SUGCT: variants seen among roughly 807,000 people sequenced by gnomAD.
The protein encoded by SUGCT is succinyl-CoA:glutarate CoA-transferase.
SUGCT carries 41 observed loss-of-function variants against 55.0 expected under a neutral mutation model. The ratio of observed to expected loss-of-function variants is 0.74; its 90% CI spans 0.58 to 0.97. SUGCT has a LOEUF of 0.97. Among genes scored for constraint, SUGCT ranks in the 50% least tolerant of loss-of-function variants. The pLI is 0.00. For synonymous variants in SUGCT, 187 were observed against 200.4 expected, an observed-to-expected ratio of 0.93 and a Z score of 0.56; for missense variants, 568 against 547.8, an observed-to-expected ratio of 1.04 and a Z score of -0.37.
rs745824495 is a variant in SUGCT at position 40,474,372 on chromosome 7, C to T, written c.986+15174C>T. ...TTTGCCATTTTGGGTAGCTGGGGCTCAGTCATGTTGGGAACAGTCTAAAAA... is the reference window on the plus strand; with the variant it reads ...TTTGCCATTTTGGGTAGCTGGGGCTTAGTCATGTTGGGAACAGTCTAAAAA... On this transcript the variant is annotated intron_variant, in intron 11 of 13. Transcript: ENST00000335693. Among the ~76,000 whole-genome samples the T allele has an allele frequency of 2.6e-4, 39 of 151,986 alleles. 1 individual carries two copies. The highest frequency in any genetic ancestry group is 5.6e-4 in the Non-Finnish European group (38 of 67,994).
chr7:41,000,577 T>C, the SUGCT span, among the ~76,000 whole-genome samples: 12 of 152,184 alleles, frequency 7.9e-5, no homozygotes, highest in African/African-American at 2.9e-4. Flanking sequence ...AAAGATGCTA[T>C]ATTGTGTTTT....
At chr7:40,245,423 A>ATAT (rs1344678220) in intron 7 of SUGCT, among the ~76,000 whole-genome samples, 10 of 54,582 alleles carry the variant, frequency 1.8e-4, no homozygotes, top group African/African-American at 2.7e-4. Flanking sequence ...ATATATATAT[A>ATAT]TTTTTTTTTT....
At chr7:40,749,587 C>T in intron 13 of SUGCT, 90 bp downstream of exon 13, 2 of 1,028,908 alleles carry the variant, frequency 1.9e-6, no homozygotes, top group Admixed American at 3.7e-5. Flanking sequence ...AGCTCCCAAA[C>T]AACTTTCCAA....
At chr7:40,141,602 C>G (rs1239473595) in intron 1 of SUGCT, among the ~76,000 whole-genome samples, 2 of 145,364 alleles carry the variant, frequency 1.4e-5, no homozygotes, top group East Asian at 4.1e-4. Flanking sequence ...CCATTGCACT[C>G]TAGCCTGGGC....
At chr7:40,412,801 T>C (rs1178525329) in intron 9 of SUGCT, among the ~76,000 whole-genome samples, 2 of 152,178 alleles carry the variant, frequency 1.3e-5, no homozygotes, top group Admixed American at 6.5e-5. Context: ...TTTTTGTTTG[T>C]TTTTTCTTAG....
intron 9 of SUGCT, among the ~76,000 whole-genome samples, chr7:40,376,522 G>C (rs1784553966): frequency 2.6e-5 from 4 of 151,902 alleles, no homozygotes; most frequent in Admixed American, 2.6e-4. Flanking sequence ...CTCCTGAGTA[G>C]CTGGGACTAC....
At chr7:40,201,363 T>C (rs542040823) in intron 6 of SUGCT, among the ~76,000 whole-genome samples, 194 of 152,320 alleles carry the variant, frequency 1.3e-3, no homozygotes, top group African/African-American at 4.5e-3. Flanking sequence ...GTATCATTTT[T>C]AGACTGAATA....
chr7:40,680,308 A>C lies in SUGCT; in HGVS notation c.1090-69126A>C, dbSNP rs139315558. Among the ~76,000 whole-genome samples the C allele has an allele frequency of 2.0e-3, 310 of 152,312 alleles. 1 individual carries two copies. The highest frequency in any genetic ancestry group is 7.2e-3 in the African/African-American group (300 of 41,572). ...TCAATAAGTGCTAACTTTTTAAAAG[A>C]GGCAAAAATTCAGCAAATAGAAACA... is the stretch of plus-strand genomic sequence containing the variant. On this transcript the variant is annotated intron_variant, in intron 12 of 13. Coordinates refer to ENST00000335693, the MANE Select transcript of SUGCT (RefSeq NM_001193313.2).
the SUGCT span, among the ~76,000 whole-genome samples, chr7:40,934,000 TGGA>T: frequency 2.0e-5 from 3 of 152,212 alleles, no homozygotes; most frequent in African/African-American, 7.2e-5. Context: ...TGCGATCCTT[TGGA>T]GGAGAAGAGG....
chr7:40,991,459 G>A, the SUGCT span, among the ~76,000 whole-genome samples: 2 of 152,160 alleles, frequency 1.3e-5, no homozygotes, highest in East Asian at 1.9e-4. Context: ...CGAAGTGAGT[G>A]CAGGCTGTTG....
intron 9 of SUGCT, among the ~76,000 whole-genome samples, chr7:40,444,952 G>T (rs568454378): frequency 6.6e-6 from 1 of 152,014 alleles, no homozygotes; most frequent in Non-Finnish European, 1.5e-5. Flanking sequence ...GAATTTTGTC[G>T]AAAGCCTTTT....
intron 6 of SUGCT, among the ~76,000 whole-genome samples, chr7:40,209,963 A>G (rs975657867): frequency 6.6e-6 from 1 of 152,216 alleles, no homozygotes; most frequent in African/African-American, 2.4e-5. Flanking sequence ...AGGAAAGCCA[A>G]ATAGTAGTGT....
At chr7:41,012,763 CT>C in the SUGCT span, among the ~76,000 whole-genome samples, 1 of 146,174 alleles carries the variant, frequency 6.8e-6, no homozygotes. Flanking sequence ...TCCAGAGAAA[CT>C]AAAAAAAAAA....
At chr7:40,238,095 C>G (rs972117473) in intron 7 of SUGCT, among the ~76,000 whole-genome samples, 1 of 152,120 alleles carries the variant, frequency 6.6e-6, no homozygotes, top group South Asian at 2.1e-4. Flanking sequence ...TGAAATAAAA[C>G]AGTTGACTAG....
the SUGCT span, among the ~76,000 whole-genome samples, chr7:41,011,549 A>G: frequency 6.6e-6 from 1 of 152,230 alleles, no homozygotes; most frequent in Non-Finnish European, 1.5e-5. Context: ...CATACCCCAG[A>G]CTTACTAAAT....
At chr7:40,707,233 T>C (rs969968024) in intron 12 of SUGCT, among the ~76,000 whole-genome samples, 1 of 128,484 alleles carries the variant, frequency 7.8e-6, no homozygotes, top group Non-Finnish European at 1.7e-5. Flanking sequence ...CAAAATCTAC[T>C]TTTTTTTTTT....
chr7:41,010,503 G>T, the SUGCT span, among the ~76,000 whole-genome samples: 1 of 152,244 alleles, frequency 6.6e-6, no homozygotes, highest in Non-Finnish European at 1.5e-5. Flanking sequence ...TTCAGGCAGA[G>T]GCCTTGAAGC....
At chr7:40,155,290 A>G (rs1164883161) in intron 1 of SUGCT, among the ~76,000 whole-genome samples, 1 of 152,066 alleles carries the variant, frequency 6.6e-6, no homozygotes, top group African/African-American at 2.4e-5. Flanking sequence ...ATCTCAAAAA[A>G]AAAAAAAATA....
the SUGCT span, among the ~76,000 whole-genome samples, chr7:40,928,391 T>C: frequency 6.6e-6 from 1 of 152,088 alleles, no homozygotes; most frequent in South Asian, 2.1e-4. Context: ...CTGAATACTA[T>C]CTTTCACTTA....
Sources: allele counts gnomAD v4.1 joint callset (sites outside exome capture counted in the v4.1 genomes callset), GRCh38; gene constraint gnomAD v4.1.1; transcripts MANE v1.5; gene names NCBI Gene and HGNC (gene_info 2026-07-23, HGNC 2026-07-21).